The following CNOT4 variants were observed in gnomAD, a reference collection of about 807,000 sequenced individuals.
The protein encoded by CNOT4 is CCR4-associated factor 4.
CNOT4 carries 8 observed loss-of-function variants against 73.8 expected under a neutral mutation model. The ratio of observed to expected loss-of-function variants is 0.11; its 90% CI spans 0.06 to 0.20. CNOT4 has a LOEUF of 0.20. CNOT4 is among the 10% of genes least tolerant of loss of function. The pLI is 1.00. For missense variants in CNOT4, 564 were observed against 883.4 expected (o/e 0.64, Z 4.58); for synonymous variants, 293 against 321.1 (o/e 0.91, Z 0.94).
intron 1 of CNOT4, among the ~76,000 whole-genome samples, chr7:135,505,102 T>C (rs1259595916): frequency 1.3e-5 from 2 of 152,204 alleles, no homozygotes; most frequent in Non-Finnish European, 2.9e-5. Context: ...TTAGTAGCCA[T>C]ACTTTAAAAA....
At chr7:135,498,008 T>C (rs1803705127) in intron 1 of CNOT4, among the ~76,000 whole-genome samples, 1 of 152,230 alleles carries the variant, frequency 6.6e-6, no homozygotes, top group East Asian at 1.9e-4. Flanking sequence ...AAGCACTTTA[T>C]ATACATTAAC....
intron 1 of CNOT4, among the ~76,000 whole-genome samples, chr7:135,488,189 GCT>G (rs1802864435): frequency 6.6e-6 from 1 of 151,346 alleles, no homozygotes; most frequent in Admixed American, 6.6e-5. Context: ...CTTTTTTTGA[GCT>G]CTGTTACCCA....
rs117952951 is a variant in CNOT4, at chr7:135,378,844, G to A, written c.1628-14778C>T. Among the ~76,000 whole-genome samples, 336 of 152,206 alleles carry A rather than the reference G, an allele frequency of 2.2e-3. 12 individuals are homozygous for A. The East Asian group carries it at 0.054, about 24-fold the overall frequency. On this transcript the variant is annotated intron_variant, in intron 10 of 11. Coordinates refer to ENST00000541284, the MANE Select transcript of CNOT4 (RefSeq NM_001190850.2). ...CTAGAAGAATACAAAAATTAGCCAC[G>A]CATGGTGGTGTGTGCATGTAGCCCC...
intron 1 of CNOT4, among the ~76,000 whole-genome samples, chr7:135,456,688 C>T (rs866490372): frequency 2.0e-5 from 3 of 152,064 alleles, no homozygotes; most frequent in Admixed American, 6.6e-5. Flanking sequence ...ACTTATAACT[C>T]GGTAAATGCT....
chr7:135,499,347 T>C lies in CNOT4; in HGVS notation c.-93+10542A>G, dbSNP rs185004992. Among the ~76,000 whole-genome samples the C allele has an allele frequency of 1.8e-4, 28 of 152,220 alleles. No individual in the cohort carries two copies. The East Asian group carries it at 2.7e-3, about 15-fold the overall frequency. On this transcript the variant is annotated intron_variant, in intron 1 of 11. Coordinates refer to ENST00000541284, the MANE Select transcript of CNOT4 (RefSeq NM_001190850.2). Reference sequence around the variant, plus strand: ...CAAAAAAACAATGCCATCAATGCCATAGGCAAAAATCCACAGCAGCTACTA... The same window carrying C: ...CAAAAAAACAATGCCATCAATGCCACAGGCAAAAATCCACAGCAGCTACTA...
At chr7:135,387,481 T>G in intron 10 of CNOT4, 4 of 980,798 alleles carry the variant, frequency 4.1e-6, no homozygotes, top group Non-Finnish European at 3.6e-6. Flanking sequence ...TACCATCTCC[T>G]AATAACATGT....
At chr7:135,394,661 GAAA>G (rs1796583797) in intron 9 of CNOT4, among the ~76,000 whole-genome samples, 1 of 151,792 alleles carries the variant, frequency 6.6e-6, no homozygotes, top group Non-Finnish European at 1.5e-5. Context: ...CTAATCAAAG[GAAA>G]AAAATGTACT....
intron 1 of CNOT4, among the ~76,000 whole-genome samples, chr7:135,501,901 G>C (rs1803992662): frequency 6.6e-6 from 1 of 152,174 alleles, no homozygotes; most frequent in African/African-American, 2.4e-5. Context: ...TGCCAGTGTG[G>C]TAGTATTAAG....
intron 7 of CNOT4, among the ~76,000 whole-genome samples, chr7:135,402,502 T>C (rs1366029419): frequency 6.6e-6 from 1 of 152,140 alleles, no homozygotes; most frequent in Non-Finnish European, 1.5e-5. Context: ...AATATATACA[T>C]ATTTATTTAT....
intron 1 of CNOT4, among the ~76,000 whole-genome samples, chr7:135,469,430 T>C (rs1246197643): frequency 1.3e-5 from 2 of 152,154 alleles, no homozygotes; most frequent in African/African-American, 4.8e-5. Flanking sequence ...TGCAACAGAG[T>C]TCTAACTGAC....
intron 3 of CNOT4, among the ~76,000 whole-genome samples, chr7:135,418,860 T>C (rs1190003661): frequency 6.6e-6 from 1 of 152,172 alleles, no homozygotes; most frequent in African/African-American, 2.4e-5. Flanking sequence ...TGTTCTAATA[T>C]ATGTTCCCAA....
chr7:135,482,575 G>T (rs569509919), intron 1 of CNOT4, among the ~76,000 whole-genome samples: 97 of 151,520 alleles, frequency 6.4e-4, no homozygotes, highest in Non-Finnish European at 9.3e-4. Context: ...AAGAAATCCG[G>T]TGGTCCAGAG....
chr7:135,428,343 A>G (rs1352049146), intron 2 of CNOT4, among the ~76,000 whole-genome samples: 2 of 152,238 alleles, frequency 1.3e-5, no homozygotes, highest in Non-Finnish European at 2.9e-5. Flanking sequence ...TTAACCAAAC[A>G]CAAAGAAATA....
Position 135,463,988 on chromosome 7 carries a change from A to G in CNOT4, c.-92-25565T>C, listed in dbSNP as rs978353791. 3.4e-5 allele frequency among the ~76,000 whole-genome samples: 5 copies of G among 146,158 alleles called. No homozygotes were observed. The South Asian group carries it at 6.7e-4, about 20-fold the overall frequency. On this transcript the variant is annotated intron_variant, in intron 1 of 11. Transcript: ENST00000541284. ...CAAATCAAAACCACAATGAGGTATC[A>G]TCTCACACCAATCAGGATGGCTATT...
intron 1 of CNOT4, among the ~76,000 whole-genome samples, chr7:135,476,797 T>A (rs1466798551): frequency 6.6e-6 from 1 of 151,846 alleles, no homozygotes; most frequent in African/African-American, 2.4e-5. Flanking sequence ...TACAGCGAAA[T>A]CCCATCTCTA....
rs749864197 is a variant in CNOT4, at chr7:135,394,179, G to A, written c.1366C>T (p.Pro456Ser). 2 of 1,614,232 alleles carry A rather than the reference G, an allele frequency of 1.2e-6. No individual in the cohort carries two copies. The highest frequency in any genetic ancestry group is 1.7e-6 in the Non-Finnish European group (2 of 1,180,020). ...GAATTGGCATTTGTAGCTGCAGCAG[G>A]ATGCAGGAATCCAGAGCCTGGACCT... ...AKGPGSGFLHPAAATNANSLN... is the reference protein window; with the variant it reads ...AKGPGSGFLHSAAATNANSLN... Residue 456 changes from proline to serine, a missense_variant, in exon 10 of 12, where the codon CCT (proline) becomes TCT (serine). This residue lies in a region of CNOT4 where 153 missense variants were observed against 158.7 expected (regional missense o/e 0.96). Coordinates refer to ENST00000541284, the MANE Select transcript of CNOT4 (RefSeq NM_001190850.2).
intron 1 of CNOT4, among the ~76,000 whole-genome samples, chr7:135,489,554 C>G (rs577262557): frequency 6.6e-6 from 1 of 152,086 alleles, no homozygotes; most frequent in African/African-American, 2.4e-5. Flanking sequence ...CACAACCACA[C>G]CCAGCTAATT....
intron 1 of CNOT4, among the ~76,000 whole-genome samples, chr7:135,454,516 T>A (rs1031957518): frequency 6.7e-6 from 1 of 149,790 alleles, no homozygotes; most frequent in African/African-American, 2.5e-5. Flanking sequence ...ATTAAAAAAT[T>A]AAAAAAAAAT....
chr7:135,452,728 G>T (rs531774915), intron 1 of CNOT4, among the ~76,000 whole-genome samples: 1 of 152,052 alleles, frequency 6.6e-6, no homozygotes, highest in South Asian at 2.1e-4. Context: ...TAAGTATGAC[G>T]GACAAATAAA....
Sources: allele counts gnomAD v4.1 joint callset (sites outside exome capture counted in the v4.1 genomes callset), GRCh38; gene constraint gnomAD v4.1.1; regional missense constraint gnomAD v4.1.1; transcripts MANE v1.5; gene names NCBI Gene and HGNC (gene_info 2026-07-23, HGNC 2026-07-21).